AGBL4: variants seen among roughly 807,000 people sequenced by gnomAD.
The protein encoded by AGBL4 is AGBL carboxypeptidase 4.
Under a neutral mutation model 66.4 loss-of-function variants are expected in AGBL4, and 58 were observed. That is an observed-to-expected ratio of 0.87 (90% CI 0.71 to 1.09). The LOEUF is 1.09. Ranked by LOEUF, AGBL4 falls within the 50% of genes least tolerant of loss-of-function variation. The probability of loss-of-function intolerance (pLI) is 0.00; values close to 1 mark genes in which losing one functional copy is unlikely to be tolerated. For synonymous variants in AGBL4, 234 were observed against 222.9 expected (o/e 1.05, Z -0.44); for missense variants, 579 against 631.0 (o/e 0.92, Z 0.88).
chr1:48,681,390 C>G (rs900726087), intron 6 of AGBL4, among the ~76,000 whole-genome samples: 4 of 152,158 alleles, frequency 2.6e-5, no homozygotes, highest in Admixed American at 6.5e-5. Context: ...CCTTAAATTT[C>G]TCTTTCTGCT....
intron 6 of AGBL4, among the ~76,000 whole-genome samples, chr1:48,790,500 A>G (rs1193694009): frequency 6.6e-6 from 1 of 152,216 alleles, no homozygotes; most frequent in African/African-American, 2.4e-5. Flanking sequence ...AGAATGAGGA[A>G]ACCAAGACTA....
chr1:49,560,239 A>C (rs1327272889), intron 3 of AGBL4, among the ~76,000 whole-genome samples: 2 of 152,180 alleles, frequency 1.3e-5, no homozygotes, highest in Non-Finnish European at 2.9e-5. Context: ...CACGGAGAAA[A>C]AAATCAGAAT....
At chr1:49,544,474 C>T (rs1652320787) in intron 3 of AGBL4, among the ~76,000 whole-genome samples, 2 of 152,238 alleles carry the variant, frequency 1.3e-5, no homozygotes, top group South Asian at 2.1e-4. Flanking sequence ...CCGTGCTCTT[C>T]CTTTTCAGTG....
Position 49,542,564 on chromosome 1 carries a change from A to G in AGBL4, c.282+154749T>C, listed in dbSNP as rs372232888. On this transcript the variant is annotated intron_variant, in intron 3 of 13. Coordinates refer to ENST00000371839, the MANE Select transcript of AGBL4 (RefSeq NM_032785.4). ...CAATTCCGGACACATTTGGATCACA[A>G]TGAACCCTCAAGAATCTAAAGCTAA... is the stretch of plus-strand genomic sequence containing the variant. 8.5e-5 allele frequency among the ~76,000 whole-genome samples: 13 copies of G among 152,256 alleles called. No homozygotes were observed. The East Asian group carries it at 1.9e-3, about 23-fold the overall frequency.
chr1:49,695,680 T>G (rs1376123044), intron 3 of AGBL4, among the ~76,000 whole-genome samples: 3 of 152,052 alleles, frequency 2.0e-5, no homozygotes, highest in African/African-American at 7.2e-5. Context: ...CTGTGTGTGG[T>G]GTAACTTTTT....
At chr1:49,022,910 A>C (rs912410642) in intron 5 of AGBL4, among the ~76,000 whole-genome samples, 1 of 152,198 alleles carries the variant, frequency 6.6e-6, no homozygotes, top group South Asian at 2.1e-4. Context: ...CCAAATTACA[A>C]ATGAGGCAAC....
At chr1:49,452,821 A>G (rs1469511905) in intron 3 of AGBL4, among the ~76,000 whole-genome samples, 5 of 151,856 alleles carry the variant, frequency 3.3e-5, no homozygotes, top group Admixed American at 2.0e-4. Flanking sequence ...TCATGCCTTC[A>G]TTCCTTTCCC....
intron 4 of AGBL4, among the ~76,000 whole-genome samples, chr1:49,048,616 G>A (rs1320134138): frequency 6.6e-6 from 1 of 152,090 alleles, no homozygotes; most frequent in Non-Finnish European, 1.5e-5. Flanking sequence ...AAAGGGGGCT[G>A]AAACTAGGGA....
At chr1:49,786,102 AG>A (rs1450895371) in intron 2 of AGBL4, among the ~76,000 whole-genome samples, 8 of 152,046 alleles carry the variant, frequency 5.3e-5, no homozygotes, top group Non-Finnish European at 8.8e-5. Flanking sequence ...CTGGATTACA[AG>A]AATAGCAAAA....
chr1:49,681,727 A>T (rs1299714447), intron 3 of AGBL4, among the ~76,000 whole-genome samples: 1 of 152,226 alleles, frequency 6.6e-6, no homozygotes, highest in African/African-American at 2.4e-5. Context: ...GTCATAAAAC[A>T]GTGTTTCTAC....
intron 5 of AGBL4, among the ~76,000 whole-genome samples, chr1:48,898,990 C>T (rs1211199076): frequency 2.0e-5 from 3 of 152,234 alleles, no homozygotes; most frequent in Non-Finnish European, 4.4e-5. Context: ...CTCCCCGACC[C>T]CAGAGTGATT....
intron 5 of AGBL4, among the ~76,000 whole-genome samples, chr1:48,997,120 A>T (rs1661078179): frequency 6.6e-6 from 1 of 152,054 alleles, no homozygotes; most frequent in South Asian, 2.1e-4. Context: ...ATGGGGTTTC[A>T]TCATGTTGGC....
chr1:49,572,258 G>C (rs1465401833), intron 3 of AGBL4, among the ~76,000 whole-genome samples: 1 of 152,064 alleles, frequency 6.6e-6, no homozygotes, highest in African/African-American at 2.4e-5. Context: ...CTCATTTTTG[G>C]TCAGTTCTAG....
intron 4 of AGBL4, among the ~76,000 whole-genome samples, chr1:49,135,603 A>G (rs1195768689): frequency 6.6e-6 from 1 of 152,170 alleles, no homozygotes; most frequent in Non-Finnish European, 1.5e-5. Flanking sequence ...ACTTAATGGG[A>G]AATGAAGAGA....
chr1:49,862,614 C>A (rs1646601628), intron 1 of AGBL4, among the ~76,000 whole-genome samples: 1 of 151,970 alleles, frequency 6.6e-6, no homozygotes, highest in Non-Finnish European at 1.5e-5. Flanking sequence ...TCCTAAAGAT[C>A]AAGCATAAAG....
chr1:49,910,818 T>C (rs1650746500), intron 1 of AGBL4, among the ~76,000 whole-genome samples: 1 of 151,982 alleles, frequency 6.6e-6, no homozygotes, highest in Non-Finnish European at 1.5e-5. Flanking sequence ...TTTACTAAAA[T>C]ACAAAAAATT....
chr1:49,096,410 T>C (rs992173890), intron 4 of AGBL4, among the ~76,000 whole-genome samples: 2 of 151,950 alleles, frequency 1.3e-5, no homozygotes, highest in South Asian at 2.1e-4. Context: ...TGCGGCACTA[T>C]TCACAACAGC....
chr1:49,501,350 G>T (rs1421691460), intron 3 of AGBL4, among the ~76,000 whole-genome samples: 1 of 151,960 alleles, frequency 6.6e-6, no homozygotes, highest in Non-Finnish European at 1.5e-5. Context: ...GTGGTTATTG[G>T]AGTGAAGGCT....
At chr1:49,210,077 C>T (rs1440999982) in intron 4 of AGBL4, among the ~76,000 whole-genome samples, 3 of 152,018 alleles carry the variant, frequency 2.0e-5, no homozygotes, top group Non-Finnish European at 4.4e-5. Context: ...TGACATTCAT[C>T]CATAGGTTTC....
Sources: allele counts gnomAD v4.1 joint callset (sites outside exome capture counted in the v4.1 genomes callset), GRCh38; gene constraint gnomAD v4.1.1; transcripts MANE v1.5; gene names NCBI Gene and HGNC (gene_info 2026-07-23, HGNC 2026-07-21).